The following TBXT variants were observed in gnomAD, a reference collection of about 807,000 sequenced individuals.
TBXT encodes the protein T brachyury transcription factor.
In TBXT, 19 loss-of-function variants were observed where a neutral mutation model predicts 41.1. That is an observed-to-expected ratio of 0.46 (90% CI 0.32 to 0.68). The LOEUF is 0.68. TBXT is among the 30% of genes least tolerant of loss of function. The probability of loss-of-function intolerance (pLI) is 0.03; values close to 1 mark genes in which losing one functional copy is unlikely to be tolerated. For synonymous variants in TBXT, 213 were observed against 238.9 expected, an observed-to-expected ratio of 0.89 and a Z score of 1.00; for missense variants, 536 against 582.0, an observed-to-expected ratio of 0.92 and a Z score of 0.81.
intron 5 of TBXT, among the ~76,000 whole-genome samples, chr6:166,163,030 A>G (rs765881258): frequency 6.6e-6 from 1 of 152,222 alleles, no homozygotes; most frequent in African/African-American, 2.4e-5. Flanking sequence ...GAGTAAACCC[A>G]GGAGCCTGGC....
At chr6:166,165,901 T>G in intron 2 of TBXT, 61 bp from the exon 3 acceptor site, 2 of 1,609,796 alleles carry the variant, frequency 1.2e-6, no homozygotes, top group Non-Finnish European at 1.7e-6. Flanking sequence ...CAGCAAAACA[T>G]CCATTTCTCC....
In TBXT at chr6:166,162,830, G is replaced by C. The variant is rs9457137; in HGVS notation, c.731-207C>G. Among the ~76,000 whole-genome samples, 400 of 142,412 alleles carry C rather than the reference G, an allele frequency of 2.8e-3. 12 individuals carry two copies. Among genetic ancestry groups the C allele is most frequent in the African/African-American group, 0.01 (373 of 35,526 alleles). The allele number at this position is 142,412 out of a possible 152,430, so 93.4% of individuals were successfully genotyped here. On this transcript the variant is annotated intron_variant, in intron 5 of 7. Coordinates refer to ENST00000366876, the MANE Select transcript of TBXT (RefSeq NM_001366285.2). ...GAGAGCAGAGCCCAGGCCAGGGACT[G>C]TCCCTCCATCACTCCAGAGAGCAGA...
In TBXT at chr6:166,166,763, G is replaced by A. The variant is rs761502724; in HGVS notation, c.300C>T (p.His100=). ...FLLDFVAADN[H]RWKYVNGEWV... is the part of the protein sequence containing the mutation. The stretch of plus-strand genomic sequence containing the variant: ...ATTCCCCGTTCACGTACTTCCAGCG[G>A]TGGTTGTCCGCCGCCACGAAGTCCA... The change falls in exon 2 of 8, where the codon CAC becomes CAT. Residue 100 remains histidine, a synonymous_variant. Coordinates refer to ENST00000366876, the MANE Select transcript of TBXT (RefSeq NM_001366285.2). 1 of 1,613,796 alleles carries A rather than the reference G, an allele frequency of 6.2e-7. No homozygotes were observed.
chr6:166,164,589 G>C lies in TBXT; in HGVS notation c.730+16C>G. 6.2e-7 allele frequency: 1 copy of C among 1,614,040 alleles called. No individual in the cohort carries two copies. The highest frequency in any genetic ancestry group is 1.1e-5 in the South Asian group (1 of 91,088). On this transcript the variant is annotated intron_variant, in intron 5 of 7. Coordinates refer to ENST00000366876, the MANE Select transcript of TBXT (RefSeq NM_001366285.2). ...CGATGACGCAGAATGACATGACAGA[G>C]TGCAACAAACCGTACATTGGGAGTA...
chr6:166,158,585 C>G lies in TBXT; in HGVS notation c.1041G>C (p.Gln347His). ...HNASPPTSSS[Q>H]YPSLWSVSNG... is the part of the protein sequence containing the mutation. ...TGCTCACAGACCACAGGCTGGGGTA[C>G]TGACTGCAACAGAAAGACACCAGTG... The change falls in exon 8 of 8, where the codon CAG (glutamine) becomes CAC (histidine). Residue 347 changes from glutamine (Q) to histidine (H), a missense_variant. By Grantham distance (24) the Gln-to-His change is conservative. Transcript: ENST00000366876. 1 of 1,530,266 alleles carries G rather than the reference C, an allele frequency of 6.5e-7. No homozygotes were observed. Among genetic ancestry groups the G allele is most frequent in the Non-Finnish European group, 8.8e-7 (1 of 1,134,766 alleles). The allele number at this position is 1,530,266 out of a possible 1,614,324, so 94.8% of individuals were successfully genotyped here. A position where few individuals can be genotyped will look rare whatever the true frequency, so the allele number is the denominator to read the frequency against.
At position 166,165,687 on chromosome 6, in the gene TBXT, C is replaced by T. The variant is rs770409084; in HGVS notation, c.606+19G>A. 1.2e-6 allele frequency: 2 copies of T among 1,613,550 alleles called. No individual in the cohort carries two copies. The highest frequency in any genetic ancestry group is 1.1e-5 in the South Asian group (1 of 91,042). On this transcript the variant is annotated intron_variant, in intron 3 of 7. Transcript: ENST00000366876. ...CACCGCAGCACACCGGGAAAGCGATCCGCCTCTGTCCTTCTCACCTCCTCG... is the reference window on the plus strand; with the variant it reads ...CACCGCAGCACACCGGGAAAGCGATTCGCCTCTGTCCTTCTCACCTCCTCG...
chr6:166,167,981 A>C, upstream of TBXT: 2 of 291,960 alleles, frequency 6.9e-6, no homozygotes, highest in Non-Finnish European at 1.3e-5. Context: ...GCCATATCAG[A>C]CCCAGCCGGG....
At chr6:166,160,691 TG>T in intron 7 of TBXT, 145 bp downstream of exon 7, 1 of 1,194,962 alleles carries the variant, frequency 8.4e-7, no homozygotes, top group Non-Finnish European at 1.2e-6. Context: ...TGGGCATAGC[TG>T]GCTAATAAAG....
intron 3 of TBXT, among the ~76,000 whole-genome samples, chr6:166,165,305 G>A (rs1245304430): frequency 6.6e-6 from 1 of 151,856 alleles, no homozygotes; most frequent in Non-Finnish European, 1.5e-5. Flanking sequence ...GTATCTAGTT[G>A]AGTCTTCACA....
chr6:166,168,444 T>C (rs1323752140), upstream of TBXT: 1 of 152,234 alleles, frequency 6.6e-6, no homozygotes, highest in African/African-American at 2.4e-5. Context: ...GCGCCTCCGA[T>C]GCCTCAACTC....
rs776449248 is a variant in TBXT, at chr6:166,158,533, C to G, written c.1093G>C (p.Ala365Pro). 1.9e-6 allele frequency: 3 copies of G among 1,600,960 alleles called. No homozygotes were observed. Among genetic ancestry groups the G allele is most frequent in the Non-Finnish European group, 2.6e-6 (3 of 1,170,396 alleles). The change falls in exon 8 of 8, where the codon GCA becomes CCA. Residue 365 changes from alanine to proline, a missense_variant. Transcript: ENST00000366876. ...SNGAVTPGSQ[A>P]AAVSNGLGAQ... ...CCCAGCCCGTTGGACACGGCTGCTGCCTGGGAGCCCGGGGTGACGGCGCCG... is the reference window on the plus strand; with the variant it reads ...CCCAGCCCGTTGGACACGGCTGCTGGCTGGGAGCCCGGGGTGACGGCGCCG...
chr6:166,162,316 A>C, intron 6 of TBXT, 131 bp downstream of exon 6: 2 of 1,000,552 alleles, frequency 2.0e-6, no homozygotes, highest in Non-Finnish European at 3.0e-6. Context: ...GCTACTAAAA[A>C]ACTGGGCTTG....
In TBXT at chr6:166,166,697, G is replaced by A. The variant is rs201970663; in HGVS notation, c.366C>T (p.Cys122=). Residue 122 remains cysteine, a synonymous_variant, in exon 2 of 8, where the codon TGC becomes TGT. Coordinates refer to ENST00000366876, the MANE Select transcript of TBXT (RefSeq NM_001366285.2). ...GGKPEPQAPS[C]VYIHPDSPNF... Reference sequence around the variant, plus strand: ...TGGGCGAGTCGGGGTGGATGTAGACGCAGCTGGGCGCCTGCGGCTCCGGCT... The same window carrying A: ...TGGGCGAGTCGGGGTGGATGTAGACACAGCTGGGCGCCTGCGGCTCCGGCT... 6.2e-7 allele frequency: 1 copy of A among 1,613,912 alleles called. No homozygotes were observed. Among genetic ancestry groups the A allele is most frequent in the African/African-American group, 1.3e-5 (1 of 75,042 alleles).
chr6:166,165,764 G>A lies in TBXT; in HGVS notation c.548C>T (p.Thr183Ile), dbSNP rs1562389520. Residue 183 changes from threonine to isoleucine, a missense_variant, in exon 3 of 8, where the codon ACC becomes ATC. Transcript: ENST00000366876. ...CTGGGTCTCAGGGAAGCAGTGGCTG[G>A]TGATCATGCGCTGTGGACCCCCAAC... ...VRVGGPQRMITSHCFPETQFI... is the reference protein window; with the variant it reads ...VRVGGPQRMIISHCFPETQFI... The A allele has an allele frequency of 1.2e-6, 2 of 1,614,206 alleles. No individual in the cohort carries two copies. The highest frequency in any genetic ancestry group is 1.1e-5 in the South Asian group (1 of 91,082).
chr6:166,165,655 C>T (rs759936558), intron 3 of TBXT, 51 bp downstream of exon 3: 1 of 1,612,330 alleles, frequency 6.2e-7, no homozygotes. Flanking sequence ...CACGGAGCAG[C>T]ACACCACACC....
chr6:166,160,833 T>C lies in TBXT; in HGVS notation c.1037+4A>G, dbSNP rs1562387083. ...CTTTGCACCAGGTCCTGGACATACA[T>C]TACCTGGAGCTGGTAGGTGGGCTGG... On this transcript the variant is annotated splice_donor_region_variant and intron_variant, in intron 7 of 7. Coordinates refer to ENST00000366876, the MANE Select transcript of TBXT (RefSeq NM_001366285.2). 1.9e-6 allele frequency: 3 copies of C among 1,614,058 alleles called. No homozygotes were observed. The highest frequency in any genetic ancestry group is 2.5e-6 in the Non-Finnish European group (3 of 1,179,994).
At chr6:166,164,727 A>C (rs1035821323) in intron 4 of TBXT, 61 bp from the exon 5 acceptor site, 26 of 1,611,020 alleles carry the variant, frequency 1.6e-5, no homozygotes, top group African/African-American at 9.4e-5. Flanking sequence ...TTCAGAAAAG[A>C]GTATGTGCAG....
intron 5 of TBXT, among the ~76,000 whole-genome samples, chr6:166,164,116 G>C (rs566227205): frequency 6.6e-6 from 1 of 152,184 alleles, no homozygotes; most frequent in Non-Finnish European, 1.5e-5. Flanking sequence ...ACTCCTGAAA[G>C]TCCTAGAGGG....
rs1026413208 is a variant in TBXT at position 166,166,806 on chromosome 6, G to C, written c.257C>G (p.Ala86Gly). Residue 86 changes from alanine (A) to glycine (G), a missense_variant, in exon 2 of 8, where the codon GCC (alanine) becomes GGC (glycine). Coordinates refer to ENST00000366876, the MANE Select transcript of TBXT (RefSeq NM_001366285.2). ...GAAGTCCAGCAGGAAGGAGTACATG[G>C]CGTTGGGGTCCAGGCCAGACACGTT... ...KVNVSGLDPN[A>G]MYSFLLDFVA... 9.9e-6 allele frequency: 16 copies of C among 1,613,796 alleles called. No homozygotes were observed. Among genetic ancestry groups the C allele is most frequent in the Non-Finnish European group, 1.3e-5 (15 of 1,180,064 alleles).
Sources: allele counts gnomAD v4.1 joint callset (sites outside exome capture counted in the v4.1 genomes callset), GRCh38; gene constraint gnomAD v4.1.1; transcripts MANE v1.5; gene names NCBI Gene and HGNC (gene_info 2026-07-23, HGNC 2026-07-21).